Variants in ARID1B observed in about 807,000 individuals in gnomAD.
ARID1B encodes AT-rich interaction domain 1B.
Under a neutral mutation model 212.3 loss-of-function variants are expected in ARID1B, and 30 were observed. That is an observed-to-expected ratio of 0.14 (90% CI 0.11 to 0.19). The LOEUF (loss-of-function observed/expected upper bound fraction) is 0.19, where lower values mean the gene tolerates loss of function less well. Among genes scored for constraint, ARID1B ranks in the 10% least tolerant of loss-of-function variants. The probability of loss-of-function intolerance (pLI) is 1.00; values close to 1 mark genes in which losing one functional copy is unlikely to be tolerated. For synonymous variants in ARID1B, 1,402 were observed against 1,301.7 expected (o/e 1.08, Z -1.66); for missense variants, 2,891 against 3,204.0 (o/e 0.90, Z 2.36).
At chr6:156,897,290 T>TC (rs1788555917) in intron 2 of ARID1B, among the ~76,000 whole-genome samples, 1 of 148,654 alleles carries the variant, frequency 6.7e-6, no homozygotes, top group South Asian at 2.1e-4. Context: ...TTATTATTAT[T>TC]TGAGACAGAG....
intron 2 of ARID1B, among the ~76,000 whole-genome samples, chr6:156,861,434 C>A (rs1046042726): frequency 1.3e-5 from 2 of 151,828 alleles, no homozygotes; most frequent in Non-Finnish European, 2.9e-5. Flanking sequence ...CATGGCAAAA[C>A]CCTGTCTCTA....
intron 4 of ARID1B, chr6:157,024,548 G>A (rs1423689392): frequency 6.6e-6 from 1 of 152,206 alleles, no homozygotes; most frequent in Non-Finnish European, 1.5e-5. Flanking sequence ...GATCACTTGA[G>A]GTCAGGAGTT....
intron 4 of ARID1B, among the ~76,000 whole-genome samples, chr6:157,035,755 C>T (rs1781287683): frequency 6.6e-6 from 1 of 152,196 alleles, no homozygotes; most frequent in Non-Finnish European, 1.5e-5. Context: ...CCAGGCTCTG[C>T]CAGTGCCAGG....
In ARID1B at chr6:157,181,138, G is replaced by A. The variant is rs746567959; in HGVS notation, c.3674G>A (p.Arg1225Gln). Residue 1225 changes from arginine to glutamine, a missense_variant, in exon 12 of 20, where the codon CGA becomes CAA. By Grantham distance (43) the Arg-to-Gln change is conservative. Around this residue, in one of 7 missense-constraint regions of ARID1B, gnomAD observed 666 missense variants for 873.5 expected, o/e 0.76. Transcript: ENST00000636930. The part of the protein sequence containing the change: ...AVGKKPLDLF[R>Q]LYVCVKEIGG... ...GGCAAGAAGCCCCTGGACCTGTTCC[G>A]ACTCTACGTCTGCGTCAAAGAGATC... The A allele has an allele frequency of 2.9e-5, 47 of 1,614,074 alleles. No individual in the cohort carries two copies. Among genetic ancestry groups the A allele is most frequent in the East Asian group, 4.5e-5 (2 of 44,902 alleles).
chr6:156,840,137 CG>C (rs1204435931), intron 2 of ARID1B, among the ~76,000 whole-genome samples: 1 of 152,190 alleles, frequency 6.6e-6, no homozygotes, highest in Non-Finnish European at 1.5e-5. Flanking sequence ...TCCTTCCCAC[CG>C]TCTGGGCCAC....
intron 2 of ARID1B, among the ~76,000 whole-genome samples, chr6:156,898,383 C>A (rs1329625764): frequency 6.6e-6 from 1 of 152,078 alleles, no homozygotes; most frequent in African/African-American, 2.4e-5. Flanking sequence ...TGGTCCTCAG[C>A]ATATTAGAAG....
At chr6:157,128,251 G>C (rs1213180502) in intron 6 of ARID1B, among the ~76,000 whole-genome samples, 1 of 152,124 alleles carries the variant, frequency 6.6e-6, no homozygotes, top group Middle Eastern at 3.2e-3. Context: ...TACTTTTTTA[G>C]TAGGATTAGC....
chr6:157,203,734 C>T lies in ARID1B; in HGVS notation c.5264-132C>T, dbSNP rs1344323035. 1.8e-6 allele frequency: 2 copies of T among 1,139,660 alleles called. No homozygotes were observed. Among genetic ancestry groups the T allele is most frequent in the East Asian group, 2.4e-5 (1 of 41,938 alleles). 70.6% of individuals were successfully genotyped at this position (1,139,660 alleles called of 1,614,324 possible). On this transcript the variant is annotated intron_variant, in intron 18 of 19. Transcript: ENST00000636930. The surrounding 1 kb of genome is among the most constrained non-coding windows in gnomAD (Gnocchi z 4.4). ...ATCGGAAATGATCACGCTTAACTGT[C>T]CTTGAGAGCATTTGTTTAAAGTCAA...
At chr6:157,186,203 A>G (rs1206034509) in intron 13 of ARID1B, 7 of 328,844 alleles carry the variant, frequency 2.1e-5, no homozygotes, top group Non-Finnish European at 3.0e-5. Context: ...TGAGGCGTAT[A>G]GATCCTTCAG....
At chr6:157,002,307 C>T (rs1190542380) in intron 4 of ARID1B, among the ~76,000 whole-genome samples, 2 of 152,206 alleles carry the variant, frequency 1.3e-5, no homozygotes, top group Non-Finnish European at 2.9e-5. Flanking sequence ...AAAAGAATTT[C>T]TCCCAAAGTT....
chr6:156,885,572 T>G (rs1300371790), intron 2 of ARID1B, among the ~76,000 whole-genome samples: 4 of 152,342 alleles, frequency 2.6e-5, no homozygotes, highest in Admixed American at 2.6e-4. Flanking sequence ...CTGACCAATC[T>G]TTTGGGTCTA....
chr6:157,159,845 C>T (rs1790815939), intron 8 of ARID1B, among the ~76,000 whole-genome samples: 1 of 152,206 alleles, frequency 6.6e-6, no homozygotes, highest in African/African-American at 2.4e-5. Flanking sequence ...AAGGCATAGC[C>T]ACTGAAAATA....
intron 4 of ARID1B, among the ~76,000 whole-genome samples, chr6:157,001,269 A>T (rs987317905): frequency 9.2e-5 from 14 of 152,166 alleles, no homozygotes; most frequent in Admixed American, 9.2e-4. Flanking sequence ...TTGAAGGTGA[A>T]GGAACTGTTG....
At chr6:156,801,104 A>G (rs1198564068) in intron 1 of ARID1B, among the ~76,000 whole-genome samples, 1 of 151,852 alleles carries the variant, frequency 6.6e-6, no homozygotes, top group Non-Finnish European at 1.5e-5. Context: ...AACAATTTAA[A>G]CCTACTAGTA....
In ARID1B at chr6:156,901,424, G is replaced by T; in HGVS notation, c.2035G>T (p.Gly679Cys). 6.2e-7 allele frequency: 1 copy of T among 1,614,062 alleles called. No homozygotes were observed. The highest frequency in any genetic ancestry group is 8.5e-7 in the Non-Finnish European group (1 of 1,180,032). Residue 679 changes from glycine (G) to cysteine (C), a missense_variant, in exon 3 of 20, where the codon GGC becomes TGC. Transcript: ENST00000636930. ...AGGTGTGAGTGGTTACTGCCAGCAG[G>T]GCCAACAGCCATATTACAGCCAGCA... ...QQGVSGYCQQGQQPYYSQQPQ... is the reference protein window; with the variant it reads ...QQGVSGYCQQCQQPYYSQQPQ...
In ARID1B at chr6:157,203,804, A is replaced by C. The variant is rs1260062057; in HGVS notation, c.5264-62A>C. 3.8e-6 allele frequency: 6 copies of C among 1,583,726 alleles called. No individual in the cohort carries two copies. The highest frequency in any genetic ancestry group is 5.2e-6 in the Non-Finnish European group (6 of 1,157,078). On this transcript the variant is annotated intron_variant, in intron 18 of 19. Transcript: ENST00000636930. This position sits in a 1 kb window ranked among gnomAD's most constrained non-coding sequence, Gnocchi z 4.4. ...CTTATTTTTTCTTACTCTTTCGTTA[A>C]CTTTCGTTCTTTCATGCATAGAGTC...
In ARID1B at chr6:157,203,800, G is replaced by A. The variant is rs150647603; in HGVS notation, c.5264-66G>A. On this transcript the variant is annotated intron_variant, in intron 18 of 19. Coordinates refer to ENST00000636930, the MANE Select transcript of ARID1B (RefSeq NM_001374828.1). This position sits in a 1 kb window ranked among gnomAD's most constrained non-coding sequence, Gnocchi z 4.4. ...TCCACTTATTTTTTCTTACTCTTTC[G>A]TTAACTTTCGTTCTTTCATGCATAG... The A allele has an allele frequency of 1.5e-5, 24 of 1,574,080 alleles. No individual in the cohort carries two copies. Among genetic ancestry groups the A allele is most frequent in the Non-Finnish European group, 1.8e-5 (21 of 1,149,644 alleles).
intron 2 of ARID1B, among the ~76,000 whole-genome samples, chr6:156,872,200 GT>G (rs1786188007): frequency 6.6e-6 from 1 of 152,218 alleles, no homozygotes; most frequent in South Asian, 2.1e-4. Flanking sequence ...ATTGGGATTA[GT>G]CGATGAGATT....
chr6:156,867,735 T>C (rs1412177362), intron 2 of ARID1B, among the ~76,000 whole-genome samples: 1 of 152,228 alleles, frequency 6.6e-6, no homozygotes, highest in East Asian at 1.9e-4. Flanking sequence ...TTAAAAAATG[T>C]CATTTTACCT....
Sources: gnomAD v4.1 joint callset for allele counts (sites outside exome capture counted in the v4.1 genomes callset) on GRCh38, gnomAD v4.1.1 for gene constraint, gnomAD v4.1.1 regional missense constraint, Gnocchi (gnomAD v3.1) non-coding constraint, MANE v1.5 for transcripts, NCBI Gene and HGNC (gene_info 2026-07-23, HGNC 2026-07-21) for gene names.